The following TRAPPC9 variants were observed in gnomAD, a reference collection of about 807,000 sequenced individuals.
TRAPPC9 encodes the protein trafficking protein particle complex subunit 9.
Under a neutral mutation model 124.0 loss-of-function variants are expected in TRAPPC9, and 83 were observed. The ratio of observed to expected loss-of-function variants is 0.67; its 90% CI spans 0.56 to 0.80. The LOEUF is 0.80. Ranked by LOEUF, TRAPPC9 falls within the 30% of genes least tolerant of loss-of-function variation. TRAPPC9 has a pLI of 0.00. For missense variants in TRAPPC9, 1,302 were observed against 1,508.3 expected (o/e 0.86, Z 2.27); for synonymous variants, 638 against 617.5 (o/e 1.03, Z -0.49).
At chr8:139,980,224 C>T (rs749391230) in intron 19 of TRAPPC9, among the ~76,000 whole-genome samples, 1 of 152,190 alleles carries the variant, frequency 6.6e-6, no homozygotes, top group Admixed American at 6.5e-5. Flanking sequence ...TCTGCCTAAA[C>T]GGGCCCAGCT....
chr8:140,342,231 G>A (rs758746727), intron 9 of TRAPPC9, among the ~76,000 whole-genome samples: 6 of 152,138 alleles, frequency 3.9e-5, no homozygotes, highest in Non-Finnish European at 5.9e-5. Flanking sequence ...AAGATCCTTC[G>A]TGACATTGCA....
intron 21 of TRAPPC9, among the ~76,000 whole-genome samples, chr8:139,870,782 G>A (rs1048283049): frequency 1.3e-5 from 2 of 152,242 alleles, no homozygotes; most frequent in African/African-American, 4.8e-5. Flanking sequence ...AGGAGAAGGA[G>A]ACTTGTACAT....
intron 11 of TRAPPC9, among the ~76,000 whole-genome samples, chr8:140,298,680 C>T (rs1285396995): frequency 2.0e-5 from 3 of 152,058 alleles, no homozygotes; most frequent in Non-Finnish European, 4.4e-5. Context: ...ATGTGCTACA[C>T]GTAATGCTCT....
intron 3 of TRAPPC9, among the ~76,000 whole-genome samples, chr8:140,438,760 T>G (rs1425159743): frequency 1.3e-5 from 2 of 152,162 alleles, no homozygotes; most frequent in African/African-American, 4.8e-5. Context: ...TTGTGCAACC[T>G]CTGCTCACTG....
chr8:140,453,582 A>C (rs568640121), intron 1 of TRAPPC9, among the ~76,000 whole-genome samples: 1 of 152,310 alleles, frequency 6.6e-6, no homozygotes, highest in African/African-American at 2.4e-5. Context: ...GAACAAAATT[A>C]AATTTTAAAA....
intron 9 of TRAPPC9, among the ~76,000 whole-genome samples, chr8:140,331,070 T>C (rs576806251): frequency 6.6e-6 from 1 of 151,434 alleles, no homozygotes; most frequent in Non-Finnish European, 1.5e-5. Context: ...CTTCAAAATA[T>C]ACTACAAAGC....
intron 17 of TRAPPC9, among the ~76,000 whole-genome samples, chr8:140,072,611 GA>G (rs1204654745): frequency 5.6e-5 from 8 of 142,818 alleles, no homozygotes; most frequent in African/African-American, 2.1e-4. Flanking sequence ...GGAGGAGGAG[GA>G]GGAGGAGGAG....
intron 4 of TRAPPC9, among the ~76,000 whole-genome samples, chr8:140,431,920 C>G (rs539258083): frequency 1.3e-5 from 2 of 152,338 alleles, no homozygotes; most frequent in Admixed American, 6.5e-5. Flanking sequence ...TGACTGCCTT[C>G]TGACATTGGA....
Position 139,990,255 on chromosome 8 carries a change from G to A in TRAPPC9, c.2700-1419C>T, listed in dbSNP as rs1837539230. Among the ~76,000 whole-genome samples, 3 of 152,302 alleles carry A rather than the reference G, an allele frequency of 2.0e-5. No homozygotes were observed. The South Asian group carries it at 6.2e-4, about 32-fold the overall frequency. On this transcript the variant is annotated intron_variant, in intron 18 of 22. Transcript: ENST00000438773. Reference sequence around the variant, plus strand: ...GGTAGTCCGTGGAGCCCCCTGCACTGGAGACGGAGGCTCAGGAGAGGACAG... The same window carrying A: ...GGTAGTCCGTGGAGCCCCCTGCACTAGAGACGGAGGCTCAGGAGAGGACAG...
chr8:140,416,792 G>A (rs1271649183), intron 5 of TRAPPC9, among the ~76,000 whole-genome samples: 1 of 152,104 alleles, frequency 6.6e-6, no homozygotes, highest in African/African-American at 2.4e-5. Flanking sequence ...CAAAGCTGGA[G>A]GCATCACGCT....
At chr8:140,402,691 G>C (rs1180388267) in intron 6 of TRAPPC9, among the ~76,000 whole-genome samples, 1 of 148,784 alleles carries the variant, frequency 6.7e-6, no homozygotes, top group Non-Finnish European at 1.5e-5. Context: ...ACAAAACCCT[G>C]TCTCAAAAAA....
intron 7 of TRAPPC9, among the ~76,000 whole-genome samples, chr8:140,383,246 A>C (rs1204037911): frequency 2.0e-5 from 3 of 152,188 alleles, no homozygotes; most frequent in Non-Finnish European, 2.9e-5. Context: ...AATTCTAAAA[A>C]TCGGAGCACC....
At chr8:139,993,737 A>G (rs544351721) in intron 18 of TRAPPC9, among the ~76,000 whole-genome samples, 11 of 152,330 alleles carry the variant, frequency 7.2e-5, no homozygotes, top group African/African-American at 2.6e-4. Context: ...ATGCCCCACC[A>G]CAGACAAATC....
In TRAPPC9 at chr8:139,927,311, C is replaced by T. The variant is rs189843404; in HGVS notation, c.2811-17011G>A. Among the ~76,000 whole-genome samples the T allele has an allele frequency of 2.6e-5, 4 of 152,218 alleles. No individual in the cohort carries two copies. In the East Asian group the frequency reaches 7.7e-4, roughly 29 times the overall value. On this transcript the variant is annotated intron_variant, in intron 19 of 22. Coordinates refer to ENST00000438773, the MANE Select transcript of TRAPPC9 (RefSeq NM_001160372.4). ...TCAAGCTGGAATGTGGTGGCACAGC[C>T]ATAGCTCACTGCAGCCTAGACCTCC...
rs73372836 is a variant in TRAPPC9 at position 140,343,572 on chromosome 8, C to T, written c.1495+16478G>A. ...ACATTTCACTTCCTAACCAGTCAAA[C>T]GATAAGTGAGGAGGGGAAAGAAGGG... On this transcript the variant is annotated intron_variant, in intron 9 of 22. Coordinates refer to ENST00000438773, the MANE Select transcript of TRAPPC9 (RefSeq NM_001160372.4). Among the ~76,000 whole-genome samples, 578 of 152,208 alleles carry T rather than the reference C, an allele frequency of 3.8e-3. 4 individuals carry two copies. The highest frequency in any genetic ancestry group is 0.013 in the African/African-American group (560 of 41,526).
At chr8:140,282,162 T>C (rs1434006063) in intron 14 of TRAPPC9, among the ~76,000 whole-genome samples, 1 of 152,134 alleles carries the variant, frequency 6.6e-6, no homozygotes, top group African/African-American at 2.4e-5. Context: ...ACACATTTTA[T>C]AAAAATGGCC....
intron 3 of TRAPPC9, among the ~76,000 whole-genome samples, chr8:140,435,918 A>G (rs2070796967): frequency 6.6e-6 from 1 of 152,238 alleles, no homozygotes; most frequent in East Asian, 1.9e-4. Flanking sequence ...CTTTTGGTCT[A>G]AAAACTCCTT....
intron 15 of TRAPPC9, among the ~76,000 whole-genome samples, chr8:140,275,144 C>A (rs1179847954): frequency 6.6e-6 from 1 of 152,064 alleles, no homozygotes; most frequent in Non-Finnish European, 1.5e-5. Flanking sequence ...TAAATACTAC[C>A]CCCCCTATTT....
rs1051293521 is a variant in TRAPPC9, at chr8:140,063,751, C to A, written c.2557-39672G>T. On this transcript the variant is annotated intron_variant, in intron 17 of 22. Transcript: ENST00000438773. The surrounding 1 kb of genome is among the most constrained non-coding windows in gnomAD (Gnocchi z 4.3). ...GAATTGCTCTGTGTTTCCTTAAGAG[C>A]GGGACTTGCGGGCGGGGTATGCATC... 6.6e-6 allele frequency among the ~76,000 whole-genome samples: 1 copy of A among 152,092 alleles called. No homozygotes were observed. The highest frequency in any genetic ancestry group is 1.5e-5 in the Non-Finnish European group (1 of 68,018).
Sources: gnomAD v4.1 joint callset for allele counts (sites outside exome capture counted in the v4.1 genomes callset) on GRCh38, gnomAD v4.1.1 for gene constraint, Gnocchi (gnomAD v3.1) non-coding constraint, MANE v1.5 for transcripts, NCBI Gene and HGNC (gene_info 2026-07-23, HGNC 2026-07-21) for gene names.